Variants in CNTN6 observed in about 807,000 individuals in gnomAD.
The protein encoded by CNTN6 is contactin-6.
A neutral mutation model predicts 122.8 loss-of-function variants in CNTN6; 137 were observed. That is an observed-to-expected ratio of 1.12 (90% CI 0.97 to 1.29). The LOEUF is 1.29. Among genes scored for constraint, CNTN6 ranks in the 50% most tolerant of loss-of-function variants. The pLI is 0.00. For synonymous variants in CNTN6, 570 were observed against 426.0 expected (o/e 1.34, Z -4.16); for missense variants, 1,634 against 1,223.4 (o/e 1.34, Z -5.01).
At chr3:1,318,182 T>G (rs1325789902) in intron 7 of CNTN6, among the ~76,000 whole-genome samples, 1 of 151,780 alleles carries the variant, frequency 6.6e-6, no homozygotes, top group East Asian at 1.9e-4. Context: ...TGAGATTTTC[T>G]TGTCTCTTTT....
intron 7 of CNTN6, among the ~76,000 whole-genome samples, chr3:1,311,114 T>C (rs993074693): frequency 2.6e-5 from 4 of 151,570 alleles, no homozygotes; most frequent in East Asian, 1.9e-4. Flanking sequence ...CTTAGGTTTT[T>C]ATATATACAT....
chr3:1,353,453 A>G (rs1706005589), intron 12 of CNTN6, among the ~76,000 whole-genome samples: 1 of 151,716 alleles, frequency 6.6e-6, no homozygotes, highest in Non-Finnish European at 1.5e-5. Flanking sequence ...CAATTGTCTG[A>G]AGTATTCTGG....
chr3:1,387,915 C>T (rs1394481687), intron 20 of CNTN6, among the ~76,000 whole-genome samples: 2 of 152,240 alleles, frequency 1.3e-5, no homozygotes, highest in East Asian at 3.9e-4. Context: ...GGTCCTACGC[C>T]CACGGAATCT....
chr3:1,245,217 T>TATATATATATATATAAC (rs2094546756), intron 4 of CNTN6, among the ~76,000 whole-genome samples: 1 of 23,832 alleles, frequency 4.2e-5, no homozygotes, highest in Admixed American at 4.4e-4. Flanking sequence ...TATATATATA[T>TATATATATATATATAAC]ATATATATAT....
At chr3:1,187,432 G>A (rs947777078) in intron 2 of CNTN6, among the ~76,000 whole-genome samples, 10 of 152,084 alleles carry the variant, frequency 6.6e-5, no homozygotes, top group African/African-American at 1.2e-4. Context: ...AAAACATAGC[G>A]TCTTTATGTA....
At chr3:1,327,066 T>A (rs538725725) in intron 9 of CNTN6, among the ~76,000 whole-genome samples, 60 of 152,002 alleles carry the variant, frequency 3.9e-4, no homozygotes, top group African/African-American at 1.4e-3. Context: ...TTTTTGAAAC[T>A]TTTGGAAAAT....
At chr3:1,235,627 T>C (rs950546243) in intron 4 of CNTN6, among the ~76,000 whole-genome samples, 1 of 152,090 alleles carries the variant, frequency 6.6e-6, no homozygotes, top group Admixed American at 6.5e-5. Context: ...CTGGGAGGGA[T>C]AGAGCAGCAT....
chr3:1,309,799 A>G (rs1306735618), intron 7 of CNTN6, among the ~76,000 whole-genome samples: 1 of 152,078 alleles, frequency 6.6e-6, no homozygotes, highest in East Asian at 1.9e-4. Flanking sequence ...GATCTCTTTT[A>G]ATTGATTTTA....
intron 2 of CNTN6, among the ~76,000 whole-genome samples, chr3:1,158,467 C>T (rs548784659): frequency 1.2e-4 from 19 of 152,040 alleles, no homozygotes; most frequent in Non-Finnish European, 2.1e-4. Context: ...CAAATACTTC[C>T]TTCCATTCTG....
chr3:1,217,536 C>T (rs981309653), intron 2 of CNTN6, among the ~76,000 whole-genome samples: 1 of 152,200 alleles, frequency 6.6e-6, no homozygotes, highest in Non-Finnish European at 1.5e-5. Flanking sequence ...CTGGACCCAT[C>T]ATGCCGAGAG....
In CNTN6 at chr3:1,245,372, A is replaced by G. The variant is rs181345011; in HGVS notation, c.358+17379A>G. On this transcript the variant is annotated intron_variant, in intron 4 of 22. Transcript: ENST00000446702. ...CTACTCAGCCATAAAAAGGAATGAA[A>G]TAATGGCATTCACAGCAACCTAGAT... 9.9e-3 allele frequency among the ~76,000 whole-genome samples: 1,243 copies of G among 126,162 alleles called. 5 individuals are homozygous for G. Among genetic ancestry groups the G allele is most frequent in the Non-Finnish European group, 0.016 (931 of 59,976 alleles). The allele number at this position is 126,162 out of a possible 152,430, so 82.8% of individuals were successfully genotyped here.
intron 1 of CNTN6, among the ~76,000 whole-genome samples, chr3:1,134,533 A>C (rs1240233865): frequency 6.6e-6 from 1 of 152,124 alleles, no homozygotes; most frequent in Non-Finnish European, 1.5e-5. Context: ...CTAGACCTGG[A>C]TACAAATTAA....
chr3:1,403,290 AT>A, intron 22 of CNTN6, 27 bp from the exon 23 acceptor site: 3 of 1,473,348 alleles, frequency 2.0e-6, no homozygotes, highest in Non-Finnish European at 2.8e-6. Context: ...ATCTCAAAAT[AT>A]TTTTGTCTTA....
intron 1 of CNTN6, among the ~76,000 whole-genome samples, chr3:1,128,770 A>C (rs1224013334): frequency 8.0e-6 from 1 of 124,380 alleles, no homozygotes; most frequent in Non-Finnish European, 1.8e-5. Flanking sequence ...TTTGTTTCTA[A>C]AGTTTTTAAA....
At chr3:1,114,994 C>T (rs2091651549) in intron 1 of CNTN6, among the ~76,000 whole-genome samples, 1 of 152,024 alleles carries the variant, frequency 6.6e-6, no homozygotes, top group South Asian at 2.1e-4. Context: ...TCACTTAGAC[C>T]TTCTTTTTCT....
intron 19 of CNTN6, among the ~76,000 whole-genome samples, chr3:1,384,796 TACACACACACACAC>T (rs1168789647): frequency 0.031 from 4,204 of 133,728 alleles, 103 homozygotes; most frequent in South Asian, 0.049. Flanking sequence ...TATATATATA[TACACACACACACAC>T]ACATATATAT....
chr3:1,394,004 A>G (rs1478549630), intron 20 of CNTN6, among the ~76,000 whole-genome samples: 1 of 152,032 alleles, frequency 6.6e-6, no homozygotes, highest in East Asian at 1.9e-4. Context: ...ATTCTTAAGC[A>G]CTGGGTGGAT....
At chr3:1,206,868 C>T (rs564695249) in intron 2 of CNTN6, among the ~76,000 whole-genome samples, 3 of 152,128 alleles carry the variant, frequency 2.0e-5, no homozygotes, top group Non-Finnish European at 4.4e-5. Context: ...AGATTCTAGT[C>T]CATCACTCTC....
chr3:1,386,021 T>C (rs1169107173), intron 20 of CNTN6, among the ~76,000 whole-genome samples: 1 of 152,188 alleles, frequency 6.6e-6, no homozygotes, highest in African/African-American at 2.4e-5. Flanking sequence ...TCCAAGTATA[T>C]CGATGAAAGA....
Sources: allele counts gnomAD v4.1 joint callset (sites outside exome capture counted in the v4.1 genomes callset), GRCh38; gene constraint gnomAD v4.1.1; transcripts MANE v1.5; gene names NCBI Gene and HGNC (gene_info 2026-07-23, HGNC 2026-07-21).